AUH: variants seen among roughly 807,000 people sequenced by gnomAD.
AUH encodes the protein AU RNA binding methylglutaconyl-CoA hydratase.
A neutral mutation model predicts 42.3 loss-of-function variants in AUH; 29 were observed. That is an observed-to-expected ratio of 0.69 (90% CI 0.51 to 0.93). AUH has a LOEUF of 0.93. Among genes scored for constraint, AUH ranks in the 40% least tolerant of loss-of-function variants. AUH has a pLI of 0.00. For missense variants in AUH, 452 were observed against 438.1 expected, an observed-to-expected ratio of 1.03 and a Z score of -0.28; for synonymous variants, 174 against 166.4, an observed-to-expected ratio of 1.05 and a Z score of -0.35.
At chr9:91,289,980 T>C (rs1232537661) in intron 6 of AUH, among the ~76,000 whole-genome samples, 3 of 152,180 alleles carry the variant, frequency 2.0e-5, no homozygotes, top group East Asian at 1.9e-4. Flanking sequence ...GTGAATACTA[T>C]TGAAATTTTT....
intron 3 of AUH, among the ~76,000 whole-genome samples, chr9:91,334,146 C>T (rs1333960550): frequency 1.3e-5 from 2 of 152,212 alleles, no homozygotes; most frequent in African/African-American, 4.8e-5. Flanking sequence ...GTTGCCAGGT[C>T]ATATGGAATG....
intron 6 of AUH, among the ~76,000 whole-genome samples, chr9:91,249,171 C>G (rs2131375799): frequency 6.6e-6 from 1 of 151,752 alleles, no homozygotes; most frequent in South Asian, 2.1e-4. Context: ...GTGATGCACA[C>G]TTGTAGTCCC....
intron 6 of AUH, among the ~76,000 whole-genome samples, chr9:91,257,702 T>C (rs1039120418): frequency 3.3e-5 from 5 of 152,206 alleles, no homozygotes; most frequent in African/African-American, 1.2e-4. Flanking sequence ...TGTACCTTTA[T>C]AGTAAGTCTT....
At chr9:91,313,909 C>T (rs374997392) in intron 4 of AUH, among the ~76,000 whole-genome samples, 39 of 151,074 alleles carry the variant, frequency 2.6e-4, no homozygotes, top group Admixed American at 1.4e-3. Context: ...TTGCAACCTC[C>T]GCCTCCTAAG....
intron 3 of AUH, among the ~76,000 whole-genome samples, chr9:91,355,329 G>T (rs1031024389): frequency 2.0e-5 from 3 of 152,164 alleles, no homozygotes; most frequent in Non-Finnish European, 4.4e-5. Flanking sequence ...GGCCAAAGAT[G>T]GTGGGTCACT....
chr9:91,332,479 G>A (rs61613297), intron 3 of AUH, among the ~76,000 whole-genome samples: 3,824 of 152,246 alleles, frequency 0.025, 78 homozygotes, highest in East Asian at 0.066. Context: ...TCCAGCCTGG[G>A]CAACAGAGCA....
At chr9:91,347,265 A>G (rs1351151121) in intron 3 of AUH, among the ~76,000 whole-genome samples, 1 of 151,418 alleles carries the variant, frequency 6.6e-6, no homozygotes, top group Non-Finnish European at 1.5e-5. Context: ...GGGTTTTGCC[A>G]TGTTACCCAG....
chr9:91,236,310 G>A (rs1828177808), intron 6 of AUH, among the ~76,000 whole-genome samples: 1 of 152,158 alleles, frequency 6.6e-6, no homozygotes. Context: ...TACAAGAAGA[G>A]AGGAGAGAGC....
intron 6 of AUH, among the ~76,000 whole-genome samples, chr9:91,252,443 T>C (rs1361151061): frequency 1.3e-5 from 2 of 152,198 alleles, no homozygotes; most frequent in Non-Finnish European, 2.9e-5. Flanking sequence ...TATCAACTTT[T>C]AATTTTCACA....
intron 6 of AUH, among the ~76,000 whole-genome samples, chr9:91,228,144 G>A (rs1199427487): frequency 6.6e-6 from 1 of 151,548 alleles, no homozygotes; most frequent in African/African-American, 2.4e-5. Flanking sequence ...GTTCCTCCTT[G>A]TACCTCTGGT....
At chr9:91,270,042 C>T (rs1310973646) in intron 6 of AUH, among the ~76,000 whole-genome samples, 1 of 152,188 alleles carries the variant, frequency 6.6e-6, no homozygotes, top group African/African-American at 2.4e-5. Context: ...AACACTTTTA[C>T]TAAAATTAAA....
chr9:91,274,488 A>G (rs535900788), intron 6 of AUH, among the ~76,000 whole-genome samples: 120 of 152,336 alleles, frequency 7.9e-4, no homozygotes, highest in African/African-American at 2.7e-3. Context: ...TTAAAAACTC[A>G]AATCCTTTAG....
intron 6 of AUH, among the ~76,000 whole-genome samples, chr9:91,294,066 G>A (rs570479664): frequency 1.3e-5 from 2 of 152,264 alleles, no homozygotes; most frequent in African/African-American, 4.8e-5. Flanking sequence ...GAATACTAAA[G>A]CCCACTGCTG....
intron 3 of AUH, among the ~76,000 whole-genome samples, chr9:91,327,971 C>T (rs1043887296): frequency 3.9e-5 from 6 of 152,146 alleles, no homozygotes; most frequent in South Asian, 2.1e-4. Flanking sequence ...GCAGCAGGCA[C>T]GGGATTCAAG....
In AUH at chr9:91,220,906, C is replaced by T. The variant is rs755299132; in HGVS notation, c.742G>A (p.Ala248Thr). The change falls in exon 7 of 10, where the codon GCC becomes ACC. Residue 248 changes from alanine to threonine, a missense_variant. Physicochemically the swap from Ala to Thr is moderately conservative, Grantham distance 58. Coordinates refer to ENST00000375731, the MANE Select transcript of AUH (RefSeq NM_001698.3). Reference sequence around the variant, plus strand: ...TGGCTGATTAAGCCCACTGCTTTGGCTTCTTTGCCATCGAGGACTCGCGCA... The same window carrying T: ...TGGCTGATTAAGCCCACTGCTTTGGTTTCTTTGCCATCGAGGACTCGCGCA... ...FSARVLDGKE[A>T]KAVGLISHVL... 1 of 1,614,234 alleles carries T rather than the reference C, an allele frequency of 6.2e-7. No individual in the cohort carries two copies. Among genetic ancestry groups the T allele is most frequent in the Non-Finnish European group, 8.5e-7 (1 of 1,180,032 alleles).
chr9:91,341,948 G>A (rs1831137683), intron 3 of AUH, among the ~76,000 whole-genome samples: 1 of 152,158 alleles, frequency 6.6e-6, no homozygotes. Flanking sequence ...TGAGCACAAC[G>A]AGTTGGAGAG....
At chr9:91,304,780 A>G (rs1406517248) in intron 4 of AUH, among the ~76,000 whole-genome samples, 1 of 152,230 alleles carries the variant, frequency 6.6e-6, no homozygotes, top group East Asian at 1.9e-4. Context: ...AATGAAGTAA[A>G]AAAGCCAAAA....
In AUH at chr9:91,234,253, C is replaced by T. The variant is rs147971302; in HGVS notation, c.656-13261G>A. 1.9e-4 allele frequency among the ~76,000 whole-genome samples: 29 copies of T among 152,304 alleles called. No homozygotes were observed. The South Asian group carries it at 3.1e-3, about 16-fold the overall frequency. On this transcript the variant is annotated intron_variant, in intron 6 of 9. Coordinates refer to ENST00000375731, the MANE Select transcript of AUH (RefSeq NM_001698.3). The stretch of plus-strand genomic sequence containing the variant: ...CTCTGCCCTGACACAGCTGGACAGG[C>T]GTCTACATCAGGTCTGGCCTGCTGG...
chr9:91,248,806 G>A (rs1828944054), intron 6 of AUH, among the ~76,000 whole-genome samples: 1 of 152,106 alleles, frequency 6.6e-6, no homozygotes, highest in Non-Finnish European at 1.5e-5. Context: ...TTCAGGAGCC[G>A]CTGTACATCA....
Sources: allele counts gnomAD v4.1 joint callset (sites outside exome capture counted in the v4.1 genomes callset), GRCh38; gene constraint gnomAD v4.1.1; transcripts MANE v1.5; gene names NCBI Gene and HGNC (gene_info 2026-07-23, HGNC 2026-07-21).